The following MFHAS1 variants were observed in gnomAD, a reference collection of about 807,000 sequenced individuals.
The protein encoded by MFHAS1 is multifunctional ROCO family signaling regulator 1, also known as malignant fibrous histiocytoma-amplified sequence 1.
A neutral mutation model predicts 70.4 loss-of-function variants in MFHAS1; 50 were observed. The observed-to-expected ratio is 0.71, with a 90% confidence interval of 0.57 to 0.90. The LOEUF is 0.90. Ranked by LOEUF, MFHAS1 falls within the 40% of genes least tolerant of loss-of-function variation. The pLI is 0.00. For missense variants in MFHAS1, 1,795 were observed against 1,347.6 expected, an observed-to-expected ratio of 1.33 and a Z score of -5.20; for synonymous variants, 952 against 620.0, an observed-to-expected ratio of 1.54 and a Z score of -7.96.
Position 8,893,013 on chromosome 8 carries a change from G to C in MFHAS1, c.46C>G (p.Arg16Gly), listed in dbSNP as rs1165812897. The C allele has an allele frequency of 4.5e-6, 7 of 1,539,086 alleles. No individual in the cohort carries two copies. In the South Asian group the frequency reaches 7.1e-5, roughly 16 times the overall value. ...SGNLKTARLW[R>G]DAALRARKLR... is the part of the protein sequence containing the mutation. ...TTCCTGGCACGCAGGGCGGCGTCCC[G>C]CCACAGCCTCGCGGTCTTCAGGTTG... is the stretch of plus-strand genomic sequence containing the variant. The change falls in exon 1 of 3, where the codon CGG becomes GGG. Residue 16 changes from arginine (R) to glycine (G), a missense_variant. Transcript: ENST00000276282.
intron 1 of MFHAS1, among the ~76,000 whole-genome samples, chr8:8,876,699 A>G (rs1809309580): frequency 6.6e-6 from 1 of 152,006 alleles, no homozygotes; most frequent in Non-Finnish European, 1.5e-5. Flanking sequence ...TAAAGGGGAA[A>G]AAGTACTTTT....
rs1463681755 is a variant in MFHAS1, at chr8:8,893,119, C to G, written c.-61G>C. 1.6e-6 allele frequency: 2 copies of G among 1,265,716 alleles called. No homozygotes were observed. Among genetic ancestry groups the G allele is most frequent in the Non-Finnish European group, 2.1e-6 (2 of 975,594 alleles). The allele number at this position is 1,265,716 out of a possible 1,614,324, so 78.4% of individuals were successfully genotyped here. A position where few individuals can be genotyped will look rare whatever the true frequency, so the allele number is the denominator to read the frequency against. On this transcript the variant is annotated 5_prime_UTR_variant, in exon 1 of 3. Transcript: ENST00000276282. ...GGGAGCCCGCAGCTACATGCCGCGC[C>G]GCGCCCCGGGCCCTCCGGCTCCTGC...
At chr8:8,871,485 G>A (rs1809073062) in intron 1 of MFHAS1, among the ~76,000 whole-genome samples, 1 of 152,184 alleles carries the variant, frequency 6.6e-6, no homozygotes, top group African/African-American at 2.4e-5. Context: ...GGGAGGTGGA[G>A]GTTGCAGTGA....
chr8:8,867,316 C>G (rs1009912341), intron 1 of MFHAS1, among the ~76,000 whole-genome samples: 1 of 152,102 alleles, frequency 6.6e-6, no homozygotes, highest in Admixed American at 6.5e-5. Context: ...TATACCCTCA[C>G]ATTTTTGAAA....
At chr8:8,830,945 T>A (rs562947117) in intron 1 of MFHAS1, among the ~76,000 whole-genome samples, 1 of 152,312 alleles carries the variant, frequency 6.6e-6, no homozygotes, top group East Asian at 1.9e-4. Context: ...TTGCTCTTTG[T>A]CTTAGTCTGC....
chr8:8,872,801 C>T (rs1287237296), intron 1 of MFHAS1, among the ~76,000 whole-genome samples: 5 of 152,002 alleles, frequency 3.3e-5, no homozygotes, highest in African/African-American at 1.2e-4. Context: ...AAGATGGGAA[C>T]AATACAGTAA....
intron 1 of MFHAS1, among the ~76,000 whole-genome samples, chr8:8,881,815 CAAA>C (rs35891401): frequency 8.4e-5 from 5 of 59,380 alleles, no homozygotes; most frequent in Admixed American, 1.7e-4. Flanking sequence ...GACTCCGTCT[CAAA>C]AAAAAAAAAA....
At chr8:8,821,544 GA>G (rs1269368216) in intron 1 of MFHAS1, among the ~76,000 whole-genome samples, 11 of 152,270 alleles carry the variant, frequency 7.2e-5, no homozygotes, top group African/African-American at 2.6e-4. Flanking sequence ...ATCACACTTT[GA>G]TTTATGCCAG....
At chr8:8,863,139 T>A (rs1808728523) in intron 1 of MFHAS1, among the ~76,000 whole-genome samples, 1 of 152,250 alleles carries the variant, frequency 6.6e-6, no homozygotes, top group African/African-American at 2.4e-5. Flanking sequence ...TTGTCCATAA[T>A]CAATTGGGCA....
chr8:8,820,577 AT>A (rs956539299), intron 1 of MFHAS1, among the ~76,000 whole-genome samples: 2 of 151,492 alleles, frequency 1.3e-5, no homozygotes, highest in African/African-American at 4.9e-5. Flanking sequence ...AATATCATGA[AT>A]TTTTTTTTCA....
chr8:8,823,989 G>A (rs1437848618), intron 1 of MFHAS1, among the ~76,000 whole-genome samples: 2 of 146,242 alleles, frequency 1.4e-5, no homozygotes, highest in African/African-American at 5.1e-5. Context: ...TATAAAAATA[G>A]GAGAGATTTA....
intron 1 of MFHAS1, among the ~76,000 whole-genome samples, chr8:8,804,779 C>T (rs774727833): frequency 6.6e-6 from 1 of 152,232 alleles, no homozygotes; most frequent in African/African-American, 2.4e-5. Flanking sequence ...CCAGGGAAGC[C>T]GTGCCAGGCC....
intron 1 of MFHAS1, among the ~76,000 whole-genome samples, chr8:8,865,654 C>A (rs888279458): frequency 6.6e-6 from 1 of 152,180 alleles, no homozygotes; most frequent in East Asian, 1.9e-4. Flanking sequence ...ACTGTCAAAT[C>A]CTAGTCTACT....
chr8:8,839,056 T>C (rs533558044), intron 1 of MFHAS1, among the ~76,000 whole-genome samples: 44 of 152,242 alleles, frequency 2.9e-4, no homozygotes, highest in African/African-American at 9.6e-4. Context: ...GACAGTAATA[T>C]TGACAAACTA....
chr8:8,831,610 T>C (rs1405053610), intron 1 of MFHAS1, among the ~76,000 whole-genome samples: 2 of 150,368 alleles, frequency 1.3e-5, no homozygotes, highest in Non-Finnish European at 3.0e-5. Context: ...AACACATAAA[T>C]GGTCAATTTT....
chr8:8,783,582 A>G lies in MFHAS1; in HGVS notation c.*2440T>C, dbSNP rs1250321009. ...TCATTTTTTTTTTCTTAGAAGGGGG[A>G]AAAACATTTATTTTGGCAGTGCTTT... On this transcript the variant is annotated 3_prime_UTR_variant, in exon 3 of 3. Transcript: ENST00000276282. The G allele has an allele frequency of 1.3e-5, 2 of 151,984 alleles. No individual in the cohort carries two copies. Among genetic ancestry groups the G allele is most frequent in the Non-Finnish European group, 2.9e-5 (2 of 68,010 alleles). 9.4% of individuals were successfully genotyped at this position (151,984 alleles called of 1,614,324 possible).
chr8:8,885,665 T>C lies in MFHAS1; in HGVS notation c.2998+4396A>G, dbSNP rs550635456. Among the ~76,000 whole-genome samples, 3 of 152,346 alleles carry C rather than the reference T, an allele frequency of 2.0e-5. No individual in the cohort carries two copies. The South Asian group carries it at 6.2e-4, about 32-fold the overall frequency. ...GGAAGGGAATCCTGGCTACCAGCTA[T>C]GGGCAGCAAGTCTGCAAAAAAGAAA... is the stretch of plus-strand genomic sequence containing the variant. On this transcript the variant is annotated intron_variant, in intron 1 of 2. Transcript: ENST00000276282.
At chr8:8,865,842 TA>T (rs1808834890) in intron 1 of MFHAS1, among the ~76,000 whole-genome samples, 1 of 152,230 alleles carries the variant, frequency 6.6e-6, no homozygotes, top group Non-Finnish European at 1.5e-5. Flanking sequence ...CTGGTTGATG[TA>T]AAACAAGTGG....
At chr8:8,825,590 C>T (rs887005079) in intron 1 of MFHAS1, among the ~76,000 whole-genome samples, 15 of 152,154 alleles carry the variant, frequency 9.9e-5, no homozygotes, top group African/African-American at 3.6e-4. Context: ...TGCCTTCTCC[C>T]GGTGTCTTCA....
Sources: allele counts gnomAD v4.1 joint callset (sites outside exome capture counted in the v4.1 genomes callset), GRCh38; gene constraint gnomAD v4.1.1; transcripts MANE v1.5; gene names NCBI Gene and HGNC (gene_info 2026-07-23, HGNC 2026-07-21).